KCTD1: variants seen among roughly 807,000 people sequenced by gnomAD.
The protein encoded by KCTD1 is potassium channel tetramerization domain containing 1, also known as BTB/POZ domain-containing protein KCTD1.
Under a neutral mutation model 66.0 loss-of-function variants are expected in KCTD1, and 24 were observed. The observed-to-expected ratio is 0.36, with a 90% confidence interval of 0.26 to 0.51. The LOEUF is 0.51. Ranked by LOEUF, KCTD1 falls within the 20% of genes least tolerant of loss-of-function variation. The pLI is 0.95. For synonymous variants in KCTD1, 511 were observed against 517.2 expected, an observed-to-expected ratio of 0.99 and a Z score of 0.16; for missense variants, 943 against 1,205.2, an observed-to-expected ratio of 0.78 and a Z score of 3.22.
chr18:26,529,454 C>T (rs1376118305), intron 1 of KCTD1, among the ~76,000 whole-genome samples: 1 of 152,222 alleles, frequency 6.6e-6, no homozygotes, highest in Non-Finnish European at 1.5e-5. Context: ...ATGTTCCTTC[C>T]TGTATCAGGG....
intron 1 of KCTD1, among the ~76,000 whole-genome samples, chr18:26,530,835 A>C (rs903208542): frequency 6.6e-6 from 1 of 152,180 alleles, no homozygotes; most frequent in Non-Finnish European, 1.5e-5. Context: ...TTTTATTTCT[A>C]ACCTTCACAG....
chr18:26,644,301 AG>A (rs376937597), upstream of KCTD1, among the ~76,000 whole-genome samples: 36 of 152,278 alleles, frequency 2.4e-4, 1 homozygote, highest in East Asian at 4.4e-3. Context: ...GGAAAAAGGA[AG>A]GTTATCAAGG....
At chr18:26,643,776 C>A (rs993717500), upstream of KCTD1, among the ~76,000 whole-genome samples, 1 of 152,128 alleles carries the variant, frequency 6.6e-6, no homozygotes, top group African/African-American at 2.4e-5. Flanking sequence ...TCCTGGCTAA[C>A]ACGATGAAAC....
At chr18:26,488,654 T>C (rs147557465) in intron 2 of KCTD1, among the ~76,000 whole-genome samples, 2 of 152,324 alleles carry the variant, frequency 1.3e-5, no homozygotes, top group East Asian at 3.9e-4. Flanking sequence ...TTGCCACTGT[T>C]TGAAAGTGGT....
intron 2 of KCTD1, among the ~76,000 whole-genome samples, chr18:26,490,137 GCCACACCA>G (rs2144646700): frequency 6.6e-6 from 1 of 152,290 alleles, no homozygotes; most frequent in East Asian, 1.9e-4. Flanking sequence ...TGAGTCTCCT[GCCACACCA>G]CCATGGTGCC....
intron 2 of KCTD1, among the ~76,000 whole-genome samples, chr18:26,485,835 A>G (rs1981889622): frequency 6.6e-6 from 1 of 152,212 alleles, no homozygotes; most frequent in Non-Finnish European, 1.5e-5. Context: ...CCATTTCACA[A>G]TAATAATTGC....
intron 1 of KCTD1, among the ~76,000 whole-genome samples, chr18:26,596,030 G>A (rs1392035876): frequency 6.6e-6 from 1 of 152,202 alleles, no homozygotes; most frequent in Non-Finnish European, 1.5e-5. Context: ...CTAGGCAACA[G>A]TGTGAGACTT....
chr18:26,504,181 C>A (rs945711766), intron 1 of KCTD1, among the ~76,000 whole-genome samples: 3 of 152,046 alleles, frequency 2.0e-5, no homozygotes, highest in Non-Finnish European at 4.4e-5. Flanking sequence ...GCGATCCCCC[C>A]ACCTCAGCTT....
intron 1 of KCTD1, among the ~76,000 whole-genome samples, chr18:26,568,919 A>G (rs1229405193): frequency 1.3e-5 from 2 of 151,968 alleles, no homozygotes; most frequent in Non-Finnish European, 2.9e-5. Context: ...ATATTTTCTT[A>G]TTTTTTTTGG....
At chr18:26,514,835 G>A (rs148915538) in intron 1 of KCTD1, among the ~76,000 whole-genome samples, 10 of 152,286 alleles carry the variant, frequency 6.6e-5, no homozygotes, top group African/African-American at 2.4e-4. Context: ...TGCCAGACCT[G>A]GTATTAGCAC....
At position 26,490,081 on chromosome 18, in the gene KCTD1, G is replaced by A. The variant is rs570689086; in HGVS notation, c.1988+10991C>T. Among the ~76,000 whole-genome samples, 9 of 152,266 alleles carry A rather than the reference G, an allele frequency of 5.9e-5. No individual in the cohort carries two copies. The South Asian group carries it at 8.3e-4, about 14-fold the overall frequency. On this transcript the variant is annotated intron_variant, in intron 2 of 4. Coordinates refer to ENST00000580059, the MANE Select transcript of KCTD1 (RefSeq NM_001142730.3). The stretch of plus-strand genomic sequence containing the variant: ...TACAGTCAGTATTATTGTCCCAAGC[G>A]ATGTGGATTGTGCCAGAGTCAATAG...
chr18:26,640,725 G>C (rs1037584773), upstream of KCTD1, among the ~76,000 whole-genome samples: 6 of 152,164 alleles, frequency 3.9e-5, no homozygotes, highest in Non-Finnish European at 8.8e-5. Flanking sequence ...CCTTATAAGA[G>C]TGTGTGCTGT....
upstream of KCTD1, chr18:26,549,727 A>G (rs1190010263): frequency 5.1e-6 from 5 of 985,138 alleles, no homozygotes; most frequent in Non-Finnish European, 4.8e-6. Flanking sequence ...GCGCACTCTC[A>G]CTCAAAGTTT....
At position 26,476,705 on chromosome 18, in the gene KCTD1, T is replaced by G. The variant is rs763926817; in HGVS notation, c.1989-46A>C. On this transcript the variant is annotated intron_variant, in intron 2 of 4. Coordinates refer to ENST00000580059, the MANE Select transcript of KCTD1 (RefSeq NM_001142730.3). This position sits in a 1 kb window ranked among gnomAD's most constrained non-coding sequence, Gnocchi z 4.9. ...CAGTGAAGACAATTAGATCAATTGT[T>G]CGGGCACTAGGACTAAGAGGTGTCT... The G allele has an allele frequency of 6.4e-7, 1 of 1,565,366 alleles. No individual in the cohort carries two copies.
chr18:26,459,602 T>C lies in KCTD1; in HGVS notation c.2439+18A>G, dbSNP rs1242311936. 1.6e-5 allele frequency: 25 copies of C among 1,566,816 alleles called. No homozygotes were observed. The highest frequency in any genetic ancestry group is 2.1e-5 in the Non-Finnish European group (24 of 1,152,286). On this transcript the variant is annotated intron_variant, in intron 4 of 4. Transcript: ENST00000580059. ...AAGAGTGGCATTTGATGCCACACAGTGCGTAACAATGCTATACCTGGACTG... is the reference window on the plus strand; with the variant it reads ...AAGAGTGGCATTTGATGCCACACAGCGCGTAACAATGCTATACCTGGACTG...
At chr18:26,457,168 T>C (rs939591644) in intron 4 of KCTD1, 6 of 151,634 alleles carry the variant, frequency 4.0e-5, no homozygotes, top group African/African-American at 1.5e-4. Flanking sequence ...TAAAAAAACA[T>C]ACACAAGTCC....
Position 26,521,125 on chromosome 18 carries a change from TG to T in KCTD1, c.1810-19876del, listed in dbSNP as rs538269172. Among the ~76,000 whole-genome samples the T allele has an allele frequency of 5.9e-5, 9 of 152,206 alleles. No individual in the cohort carries two copies. In the South Asian group the frequency reaches 1.7e-3, roughly 28 times the overall value. The stretch of plus-strand genomic sequence containing the variant: ...GGACAGGCCAAGTCCTCCCTGGAGA[TG>T]GGGGGAACCTCAGGGCCCTGAAGGG... On this transcript the variant is annotated intron_variant, in intron 1 of 4. Transcript: ENST00000580059.
chr18:26,641,040 A>G (rs1987823300), upstream of KCTD1, among the ~76,000 whole-genome samples: 1 of 152,184 alleles, frequency 6.6e-6, no homozygotes, highest in Non-Finnish European at 1.5e-5. Context: ...TGTTTCTGCC[A>G]GACTGATTTC....
upstream of KCTD1, among the ~76,000 whole-genome samples, chr18:26,643,810 A>C (rs886801318): frequency 2.6e-5 from 4 of 152,136 alleles, no homozygotes; most frequent in Non-Finnish European, 4.4e-5. Flanking sequence ...AAAATACAAA[A>C]AATTAGCCGG....
Sources: allele counts gnomAD v4.1 joint callset (sites outside exome capture counted in the v4.1 genomes callset), GRCh38; gene constraint gnomAD v4.1.1; non-coding constraint Gnocchi (gnomAD v3.1); transcripts MANE v1.5; gene names NCBI Gene and HGNC (gene_info 2026-07-23, HGNC 2026-07-21).